ZMAT4: variants seen among roughly 807,000 people sequenced by gnomAD.
ZMAT4 encodes zinc finger matrin-type protein 4.
ZMAT4 carries 17 observed loss-of-function variants against 28.7 expected under a neutral mutation model. That is an observed-to-expected ratio of 0.59 (90% CI 0.41 to 0.89). ZMAT4 has a LOEUF of 0.89. Among genes scored for constraint, ZMAT4 ranks in the 40% least tolerant of loss-of-function variants. ZMAT4 has a pLI of 0.00. For missense variants in ZMAT4, 240 were observed against 283.8 expected (o/e 0.85, Z 1.11); for synonymous variants, 117 against 109.2 (o/e 1.07, Z -0.44).
intron 2 of ZMAT4, among the ~76,000 whole-genome samples, chr8:40,823,262 C>CA (rs1815896580): frequency 6.6e-6 from 1 of 151,888 alleles, no homozygotes; most frequent in Non-Finnish European, 1.5e-5. Context: ...CAAATGAACA[C>CA]AAAAAGTCTA....
intron 5 of ZMAT4, among the ~76,000 whole-genome samples, chr8:40,626,585 G>A (rs1363036760): frequency 6.6e-6 from 1 of 152,220 alleles, no homozygotes; most frequent in South Asian, 2.1e-4. Flanking sequence ...AAACACGCAC[G>A]ATGTCTGGGG....
intron 6 of ZMAT4, among the ~76,000 whole-genome samples, chr8:40,534,058 G>A (rs1211991272): frequency 6.6e-6 from 1 of 152,006 alleles, no homozygotes; most frequent in Non-Finnish European, 1.5e-5. Context: ...TGATTACATA[G>A]TTAGAGAAAA....
chr8:40,537,217 T>A (rs757634511), intron 6 of ZMAT4, among the ~76,000 whole-genome samples: 3 of 152,132 alleles, frequency 2.0e-5, no homozygotes, highest in Non-Finnish European at 4.4e-5. Context: ...GGTTATAGAC[T>A]TTTTTGGGTA....
At chr8:40,835,435 C>T (rs932985081) in intron 1 of ZMAT4, among the ~76,000 whole-genome samples, 1 of 152,226 alleles carries the variant, frequency 6.6e-6, no homozygotes, top group African/African-American at 2.4e-5. Flanking sequence ...CGTGGGTCCC[C>T]CCACTTTGCT....
intron 5 of ZMAT4, among the ~76,000 whole-genome samples, chr8:40,608,795 C>G (rs1271941661): frequency 1.3e-5 from 2 of 152,162 alleles, no homozygotes; most frequent in Non-Finnish European, 2.9e-5. Context: ...TCACTCGGCT[C>G]TCTCAATTTG....
At chr8:40,793,476 T>C (rs1313941186) in intron 2 of ZMAT4, among the ~76,000 whole-genome samples, 1 of 152,200 alleles carries the variant, frequency 6.6e-6, no homozygotes, top group Non-Finnish European at 1.5e-5. Flanking sequence ...GGCTGACCTT[T>C]CTTTCCTAAT....
chr8:40,892,058 T>C (rs892239672), intron 1 of ZMAT4, among the ~76,000 whole-genome samples: 1 of 152,134 alleles, frequency 6.6e-6, no homozygotes, highest in African/African-American at 2.4e-5. Flanking sequence ...ACCACGTGTG[T>C]GGCGGTGTGC....
intron 2 of ZMAT4, among the ~76,000 whole-genome samples, chr8:40,819,065 T>A (rs1266633340): frequency 6.6e-6 from 1 of 152,048 alleles, no homozygotes; most frequent in African/African-American, 2.4e-5. Flanking sequence ...TTCCCCTGGA[T>A]TAAATAGAAG....
At chr8:40,772,897 G>C (rs1378466980) in intron 2 of ZMAT4, among the ~76,000 whole-genome samples, 2 of 152,164 alleles carry the variant, frequency 1.3e-5, no homozygotes, top group Non-Finnish European at 2.9e-5. Context: ...CAAACATCTA[G>C]AACACGGGTT....
chr8:40,566,432 C>T (rs1803928107), intron 6 of ZMAT4, among the ~76,000 whole-genome samples: 1 of 152,054 alleles, frequency 6.6e-6, no homozygotes, highest in Middle Eastern at 3.2e-3. Flanking sequence ...TTCCTATTAC[C>T]TTTAGAAGGG....
chr8:40,729,597 C>CTT (rs71546305), intron 3 of ZMAT4, among the ~76,000 whole-genome samples: 29 of 142,470 alleles, frequency 2.0e-4, no homozygotes, highest in African/African-American at 7.9e-4. Flanking sequence ...TTCTTTCTTT[C>CTT]TTTTTTTTTT....
intron 2 of ZMAT4, among the ~76,000 whole-genome samples, chr8:40,821,425 G>A (rs1815824652): frequency 8.0e-6 from 1 of 125,564 alleles, no homozygotes; most frequent in Admixed American, 8.2e-5. Context: ...ATGTTAATGT[G>A]TTCTTAACGC....
At chr8:40,616,768 G>A (rs1190789824) in intron 5 of ZMAT4, among the ~76,000 whole-genome samples, 1 of 151,884 alleles carries the variant, frequency 6.6e-6, no homozygotes, top group Non-Finnish European at 1.5e-5. Context: ...GATAGCATTA[G>A]GAGATATACC....
At chr8:40,802,905 A>T (rs1414433538) in intron 2 of ZMAT4, among the ~76,000 whole-genome samples, 2 of 152,232 alleles carry the variant, frequency 1.3e-5, no homozygotes, top group African/African-American at 4.8e-5. Flanking sequence ...TCAAAAGCCC[A>T]GAAATAGACC....
chr8:40,595,730 A>C (rs1293161458), intron 5 of ZMAT4, among the ~76,000 whole-genome samples: 3 of 152,172 alleles, frequency 2.0e-5, no homozygotes, highest in Non-Finnish European at 4.4e-5. Flanking sequence ...ACAAGACTGG[A>C]AGTTGCTTAG....
At chr8:40,804,765 CG>C (rs1815003690) in intron 2 of ZMAT4, among the ~76,000 whole-genome samples, 1 of 151,822 alleles carries the variant, frequency 6.6e-6, no homozygotes, top group African/African-American at 2.4e-5. Flanking sequence ...TGCTTGAACC[CG>C]GGAGGTGGAG....
intron 5 of ZMAT4, among the ~76,000 whole-genome samples, chr8:40,621,445 T>C (rs75417888): frequency 2.6e-5 from 4 of 152,180 alleles, no homozygotes; most frequent in African/African-American, 7.2e-5. Flanking sequence ...AAAATGATCA[T>C]GTCTGAGCAG....
chr8:40,541,705 C>T (rs1399113013), intron 6 of ZMAT4, among the ~76,000 whole-genome samples: 1 of 151,920 alleles, frequency 6.6e-6, no homozygotes, highest in Non-Finnish European at 1.5e-5. Flanking sequence ...CTGATTTTTC[C>T]CAAATAGAAA....
intron 2 of ZMAT4, among the ~76,000 whole-genome samples, chr8:40,794,706 C>T (rs1259954728): frequency 2.0e-5 from 3 of 152,156 alleles, no homozygotes; most frequent in Non-Finnish European, 4.4e-5. Context: ...ACTCTCCTTT[C>T]CCCAGTGGAC....
Sources: gnomAD v4.1 joint callset for allele counts (sites outside exome capture counted in the v4.1 genomes callset) on GRCh38, gnomAD v4.1.1 for gene constraint, MANE v1.5 for transcripts, NCBI Gene and HGNC (gene_info 2026-07-23, HGNC 2026-07-21) for gene names.